NADK2: variants seen among roughly 807,000 people sequenced by gnomAD.
The protein encoded by NADK2 is NAD kinase 2, mitochondrial.
Under a neutral mutation model 62.1 loss-of-function variants are expected in NADK2, and 35 were observed. That is an observed-to-expected ratio of 0.56 (90% CI 0.43 to 0.75). The LOEUF is 0.75. NADK2 is among the 30% of genes least tolerant of loss of function. The pLI is 0.00. For synonymous variants in NADK2, 205 were observed against 207.9 expected (o/e 0.99, Z 0.12); for missense variants, 439 against 561.3 (o/e 0.78, Z 2.20).
chr5:36,200,055 C>T (rs1324311209), intron 10 of NADK2, among the ~76,000 whole-genome samples, 172 bp downstream of exon 10: 3 of 151,910 alleles, frequency 2.0e-5, no homozygotes, highest in Non-Finnish European at 4.4e-5. Flanking sequence ...AAAATCACAA[C>T]AAAAGTCCAA....
Position 36,241,829 on chromosome 5 carries a change from C to G in NADK2, c.-31G>C. 1 of 1,268,408 alleles carries G rather than the reference C, an allele frequency of 7.9e-7. No individual in the cohort carries two copies. Among genetic ancestry groups the G allele is most frequent in the Non-Finnish European group, 9.9e-7 (1 of 1,008,302 alleles). The allele number at this position is 1,268,408 out of a possible 1,614,324, so 78.6% of individuals were successfully genotyped here. A position where few individuals can be genotyped will look rare whatever the true frequency, so the allele number is the denominator to read the frequency against. ...GCCGGGCCGCGGCCGCGGGCTTGGG[C>G]TCGGGCCCCTTGCCTCAGCTCCCTA... On this transcript the variant is annotated 5_prime_UTR_variant, in exon 1 of 12. Transcript: ENST00000381937. This position sits in a 1 kb window ranked among gnomAD's most constrained non-coding sequence, Gnocchi z 4.9.
At chr5:36,226,393 T>G in intron 3 of NADK2, 82 bp downstream of exon 3, 1 of 1,095,998 alleles carries the variant, frequency 9.1e-7, no homozygotes, top group Non-Finnish European at 1.4e-6. Flanking sequence ...GGCTTCAATA[T>G]AGCTAGACCC....
At chr5:36,208,799 T>C in intron 7 of NADK2, 1 of 731,690 alleles carries the variant, frequency 1.4e-6, no homozygotes, top group East Asian at 2.7e-5. Context: ...CACTTCATAT[T>C]TTCCAAGCAA....
chr5:36,220,426 A>G (rs1018998661), intron 4 of NADK2, among the ~76,000 whole-genome samples: 5 of 152,186 alleles, frequency 3.3e-5, no homozygotes, highest in African/African-American at 1.2e-4. Flanking sequence ...TCATCATTTA[A>G]TGATACTCCA....
intron 5 of NADK2, among the ~76,000 whole-genome samples, chr5:36,218,590 AAG>A (rs750316414): frequency 1.3e-5 from 2 of 152,214 alleles, no homozygotes; most frequent in Non-Finnish European, 2.9e-5. Flanking sequence ...TCTTGAAAAG[AAG>A]ATCTAATACA....
At chr5:36,235,945 A>G (rs1747891910) in intron 1 of NADK2, among the ~76,000 whole-genome samples, 2 of 151,528 alleles carry the variant, frequency 1.3e-5, no homozygotes, top group African/African-American at 2.4e-5. Flanking sequence ...TAACTGGCAC[A>G]CTTGCTGATA....
chr5:36,218,714 G>A (rs1747140039), intron 5 of NADK2, among the ~76,000 whole-genome samples: 1 of 152,146 alleles, frequency 6.6e-6, no homozygotes, highest in African/African-American at 2.4e-5. Context: ...CCAACCTCAT[G>A]CTCCTTCCTC....
At chr5:36,228,641 C>T (rs542367656) in intron 1 of NADK2, among the ~76,000 whole-genome samples, 40 of 149,564 alleles carry the variant, frequency 2.7e-4, no homozygotes, top group African/African-American at 8.9e-4. Context: ...TTTTTTGAGA[C>T]GGGGTCTGGC....
rs774544447 is a variant in NADK2 at position 36,205,055 on chromosome 5, A to C, written c.956+2115T>G. Reference sequence around the variant, plus strand: ...GTTTTAGCTATATACAATTGTGAGCATATAGTCATTTACTCAAAAAATATT... The same window carrying C: ...GTTTTAGCTATATACAATTGTGAGCCTATAGTCATTTACTCAAAAAATATT... On this transcript the variant is annotated intron_variant, in intron 8 of 11. Coordinates refer to ENST00000381937, the MANE Select transcript of NADK2 (RefSeq NM_001085411.3). This position sits in a 1 kb window ranked among gnomAD's most constrained non-coding sequence, Gnocchi z 4.1. Among the ~76,000 whole-genome samples the C allele has an allele frequency of 1.3e-5, 2 of 152,102 alleles. No individual in the cohort carries two copies. Among genetic ancestry groups the C allele is most frequent in the Non-Finnish European group, 1.5e-5 (1 of 68,000 alleles).
Position 36,227,492 on chromosome 5 carries a change from A to ATT in NADK2, c.373_374insAA (p.Ile125LysfsTer3), listed in dbSNP as rs1747526017. The ATT allele has an allele frequency of 6.5e-7, 1 of 1,534,560 alleles. No homozygotes were observed. Among genetic ancestry groups the ATT allele is most frequent in the Admixed American group, 2.1e-5 (1 of 48,152 alleles). ...ATAGACTTACCGTAAACTATCTATA[A>ATT]TATGTTCTACATTTTTGGTGTGAAT... On this transcript the variant is annotated frameshift_variant, in exon 2 of 12. Coordinates refer to ENST00000381937, the MANE Select transcript of NADK2 (RefSeq NM_001085411.3). LOFTEE classifies it high-confidence loss of function.
chr5:36,206,121 C>T (rs1431346064), intron 8 of NADK2, among the ~76,000 whole-genome samples: 1 of 151,948 alleles, frequency 6.6e-6, no homozygotes, highest in Non-Finnish European at 1.5e-5. Flanking sequence ...GGGAGGGGAA[C>T]ATCACACACT....
At chr5:36,200,911 T>A (rs1232836984) in intron 9 of NADK2, among the ~76,000 whole-genome samples, 195 bp downstream of exon 9, 1 of 152,020 alleles carries the variant, frequency 6.6e-6, no homozygotes, top group African/African-American at 2.4e-5. Context: ...AAGAAAAAGG[T>A]CATATGCTGA....
intron 6 of NADK2, 128 bp downstream of exon 6, chr5:36,217,620 T>C (rs1396365101): frequency 1.1e-6 from 1 of 934,976 alleles, no homozygotes; most frequent in African/African-American, 1.6e-5. Context: ...CTGAAGTAAT[T>C]CACTGTACTT....
intron 8 of NADK2, among the ~76,000 whole-genome samples, chr5:36,201,678 T>A (rs1353053727): frequency 2.0e-5 from 3 of 151,890 alleles, no homozygotes; most frequent in Non-Finnish European, 4.4e-5. Context: ...AAACAAAAAA[T>A]ATATATATAG....
intron 11 of NADK2, among the ~76,000 whole-genome samples, chr5:36,196,854 T>C (rs1319661301): frequency 6.6e-6 from 1 of 152,074 alleles, no homozygotes; most frequent in Non-Finnish European, 1.5e-5. Flanking sequence ...TAAATTTCCT[T>C]ATTTGTGTCT....
intron 6 of NADK2, among the ~76,000 whole-genome samples, chr5:36,215,712 C>T (rs1343242346): frequency 1.3e-5 from 2 of 152,152 alleles, no homozygotes; most frequent in South Asian, 2.1e-4. Context: ...TCTTTCTATG[C>T]TTGACTTATT....
intron 11 of NADK2, among the ~76,000 whole-genome samples, chr5:36,196,217 G>C (rs1437337224): frequency 1.3e-5 from 2 of 152,104 alleles, no homozygotes; most frequent in Non-Finnish European, 2.9e-5. Flanking sequence ...GGTTTGCTAG[G>C]TAATTGCCAA....
chr5:36,197,644 A>T lies in NADK2; in HGVS notation c.1087T>A (p.Ser363Thr), dbSNP rs1461037527. The T allele has an allele frequency of 1.3e-6, 2 of 1,572,848 alleles. No individual in the cohort carries two copies. The highest frequency in any genetic ancestry group is 1.4e-5 in the African/African-American group (1 of 72,250). The change falls in exon 11 of 12, where the codon TCA (serine) becomes ACA (threonine). Residue 363 changes from serine to threonine, a missense_variant. By Grantham distance (58) the Ser-to-Thr change is moderately conservative. Coordinates refer to ENST00000381937, the MANE Select transcript of NADK2 (RefSeq NM_001085411.3). ...VEKVTNEYNE[S>T]LLYSPEEPKI... ...GGTTCTTCCGGACTGTAGAGCAGTG[A>T]TTCATTATATTCATTTGTTACTACA...
chr5:36,214,788 C>T (rs546816282), intron 6 of NADK2, among the ~76,000 whole-genome samples: 2 of 152,294 alleles, frequency 1.3e-5, no homozygotes, highest in South Asian at 2.1e-4. Flanking sequence ...CCTTAAAATA[C>T]GGTAGCAGCC....
Sources: allele counts gnomAD v4.1 joint callset (sites outside exome capture counted in the v4.1 genomes callset), GRCh38; gene constraint gnomAD v4.1.1; non-coding constraint Gnocchi (gnomAD v3.1); transcripts MANE v1.5; gene names NCBI Gene and HGNC (gene_info 2026-07-23, HGNC 2026-07-21).